SH3RF1: variants seen among roughly 807,000 people sequenced by gnomAD.
SH3RF1 encodes the protein SH3 domain containing ring finger 1, also known as E3 ubiquitin-protein ligase SH3RF1.
In SH3RF1, 32 loss-of-function variants were observed where a neutral mutation model predicts 74.0. The ratio of observed to expected loss-of-function variants is 0.43; its 90% CI spans 0.33 to 0.58. The LOEUF (loss-of-function observed/expected upper bound fraction) is 0.58, where lower values mean the gene tolerates loss of function less well. Ranked by LOEUF, SH3RF1 falls within the 20% of genes least tolerant of loss-of-function variation. SH3RF1 has a pLI of 0.05. For synonymous variants in SH3RF1, 396 were observed against 439.6 expected (o/e 0.90, Z 1.24); for missense variants, 954 against 1,130.9 (o/e 0.84, Z 2.24).
chr4:169,223,017 C>T (rs1274669492), intron 2 of SH3RF1, among the ~76,000 whole-genome samples: 2 of 152,148 alleles, frequency 1.3e-5, no homozygotes, highest in East Asian at 3.9e-4. Context: ...CTTCACAAGG[C>T]GGGAAACACA....
intron 10 of SH3RF1, among the ~76,000 whole-genome samples, chr4:169,111,176 C>G (rs1733238111): frequency 6.6e-6 from 1 of 151,118 alleles, no homozygotes; most frequent in African/African-American, 2.4e-5. Flanking sequence ...GTGGTGCATG[C>G]CTGTAGTCCC....
intron 2 of SH3RF1, among the ~76,000 whole-genome samples, chr4:169,156,954 T>G (rs541955597): frequency 1.3e-5 from 2 of 152,336 alleles, no homozygotes; most frequent in African/African-American, 4.8e-5. Context: ...TTTGCCTTCT[T>G]TCTTTGAGGT....
At chr4:169,098,429 C>T (rs969476585) in intron 11 of SH3RF1, among the ~76,000 whole-genome samples, 7 of 152,192 alleles carry the variant, frequency 4.6e-5, no homozygotes, top group African/African-American at 1.4e-4. Flanking sequence ...CTGCCCCTTT[C>T]ACCAATTCCC....
At position 169,162,017 on chromosome 4, in the gene SH3RF1, A is replaced by G. The variant is rs545016072; in HGVS notation, c.394-5338T>C. ...ATGACATGGCAAAACTCATCTCTAT[A>G]AAAAGTACAAAAATTAGCACGGTGG... is the stretch of plus-strand genomic sequence containing the variant. On this transcript the variant is annotated intron_variant, in intron 2 of 11. Coordinates refer to ENST00000284637, the MANE Select transcript of SH3RF1 (RefSeq NM_020870.4). 3.9e-5 allele frequency among the ~76,000 whole-genome samples: 6 copies of G among 152,264 alleles called. No individual in the cohort carries two copies. In the East Asian group the frequency reaches 1.2e-3, roughly 29 times the overall value.
chr4:169,125,503 G>C lies in SH3RF1; in HGVS notation c.1180-3237C>G, dbSNP rs28674485. ...AAGTAGTCCAGTACGTCTCAAACTT[G>C]GGCCAAGGGCTACAGGCCAGCTTGC... is the stretch of plus-strand genomic sequence containing the variant. On this transcript the variant is annotated intron_variant, in intron 6 of 11. Transcript: ENST00000284637. Among the ~76,000 whole-genome samples the C allele has an allele frequency of 7.3e-3, 1,104 of 152,216 alleles. 13 individuals carry two copies. The highest frequency in any genetic ancestry group is 0.025 in the African/African-American group (1,058 of 41,528).
intron 4 of SH3RF1, among the ~76,000 whole-genome samples, chr4:169,146,852 T>C (rs1023988785): frequency 1.4e-4 from 21 of 152,110 alleles, no homozygotes; most frequent in Non-Finnish European, 2.9e-4. Context: ...AGGGAATAAC[T>C]GACATGCAAA....
At chr4:169,179,602 C>G (rs571914343) in intron 2 of SH3RF1, among the ~76,000 whole-genome samples, 1 of 152,200 alleles carries the variant, frequency 6.6e-6, no homozygotes, top group Non-Finnish European at 1.5e-5. Flanking sequence ...ACTTCCCACT[C>G]TCTTCAGGTT....
chr4:169,145,222 T>C (rs570204233), intron 4 of SH3RF1, among the ~76,000 whole-genome samples: 2 of 152,248 alleles, frequency 1.3e-5, no homozygotes, highest in South Asian at 4.1e-4. Flanking sequence ...GAAAATGTGA[T>C]ATAAATGCAA....
At chr4:169,253,712 C>G (rs184535832) in intron 2 of SH3RF1, among the ~76,000 whole-genome samples, 1 of 152,094 alleles carries the variant, frequency 6.6e-6, no homozygotes, top group Non-Finnish European at 1.5e-5. Flanking sequence ...TCAAAAGAAG[C>G]CATTATACAT....
intron 4 of SH3RF1, among the ~76,000 whole-genome samples, chr4:169,140,985 CTT>C (rs35916240): frequency 3.8e-4 from 51 of 132,572 alleles, no homozygotes; most frequent in Non-Finnish European, 5.9e-4. Flanking sequence ...TTTTTCTTTT[CTT>C]TTTTTTTTTT....
intron 4 of SH3RF1, among the ~76,000 whole-genome samples, chr4:169,149,344 G>C (rs1466863104): frequency 6.6e-6 from 1 of 152,186 alleles, no homozygotes; most frequent in Non-Finnish European, 1.5e-5. Flanking sequence ...TCAGGAGCCA[G>C]TGCTCATTTT....
At chr4:169,123,357 T>C (rs1409386743) in intron 6 of SH3RF1, among the ~76,000 whole-genome samples, 1 of 152,212 alleles carries the variant, frequency 6.6e-6, no homozygotes, top group Admixed American at 6.5e-5. Context: ...AAATTTCAAA[T>C]TTCTAGACGC....
At chr4:169,259,769 C>T (rs1232872085) in intron 2 of SH3RF1, among the ~76,000 whole-genome samples, 3 of 152,154 alleles carry the variant, frequency 2.0e-5, no homozygotes, top group African/African-American at 7.2e-5. Flanking sequence ...TACTATGTTG[C>T]TATGTAAATG....
chr4:169,143,137 T>C (rs1449682683), intron 4 of SH3RF1, among the ~76,000 whole-genome samples: 1 of 152,204 alleles, frequency 6.6e-6, no homozygotes, highest in Admixed American at 6.5e-5. Context: ...GGGAAGGAAG[T>C]GCTGCCTCTA....
At chr4:169,164,133 GC>G (rs1734193686) in intron 2 of SH3RF1, among the ~76,000 whole-genome samples, 1 of 152,124 alleles carries the variant, frequency 6.6e-6, no homozygotes, top group Non-Finnish European at 1.5e-5. Flanking sequence ...TGTTATCATG[GC>G]CCTTATCTTA....
chr4:169,226,493 A>C (rs568552264), intron 2 of SH3RF1, among the ~76,000 whole-genome samples: 3 of 152,132 alleles, frequency 2.0e-5, no homozygotes, highest in Non-Finnish European at 4.4e-5. Context: ...ATTTAAAGAA[A>C]AAAAAAAAAG....
chr4:169,174,438 TCA>T (rs1184305410), intron 2 of SH3RF1, among the ~76,000 whole-genome samples: 1 of 152,160 alleles, frequency 6.6e-6, no homozygotes, highest in Non-Finnish European at 1.5e-5. Context: ...ATAGTCTGAT[TCA>T]GTACCTCTGG....
At chr4:169,244,205 A>C (rs1334870216) in intron 2 of SH3RF1, among the ~76,000 whole-genome samples, 1 of 152,048 alleles carries the variant, frequency 6.6e-6, no homozygotes, top group Non-Finnish European at 1.5e-5. Flanking sequence ...GTTATTTCTA[A>C]TTTTCACTAC....
At chr4:169,219,565 T>C (rs1368580366) in intron 2 of SH3RF1, among the ~76,000 whole-genome samples, 1 of 152,186 alleles carries the variant, frequency 6.6e-6, no homozygotes, top group Non-Finnish European at 1.5e-5. Flanking sequence ...CTGAGATCTC[T>C]AACCAAATAT....
Sources: allele counts gnomAD v4.1 joint callset (sites outside exome capture counted in the v4.1 genomes callset), GRCh38; gene constraint gnomAD v4.1.1; transcripts MANE v1.5; gene names NCBI Gene and HGNC (gene_info 2026-07-23, HGNC 2026-07-21).